The following ADAM17 variants were observed in gnomAD, a reference collection of about 807,000 sequenced individuals.
ADAM17 encodes disintegrin and metalloproteinase domain-containing protein 17.
In ADAM17, 39 loss-of-function variants were observed where a neutral mutation model predicts 96.7. The ratio of observed to expected loss-of-function variants is 0.40; its 90% CI spans 0.31 to 0.53. The LOEUF (loss-of-function observed/expected upper bound fraction) is 0.53. Ranked by LOEUF, ADAM17 falls within the 20% of genes least tolerant of loss-of-function variation. The pLI, the probability that ADAM17 is intolerant of heterozygous loss-of-function variation, is 0.44. For synonymous variants in ADAM17, 344 were observed against 359.2 expected (o/e 0.96, Z 0.48); for missense variants, 777 against 1,013.2 (o/e 0.77, Z 3.17).
chr2:9,517,871 C>T (rs1664133971), intron 10 of ADAM17, 30 bp downstream of exon 10: 3 of 1,469,420 alleles, frequency 2.0e-6, no homozygotes, highest in Non-Finnish European at 2.8e-6. Context: ...TAAACTCTAA[C>T]ACTATTCTTT....
chr2:9,512,194 T>G (rs2125010925), intron 10 of ADAM17: 1 of 152,226 alleles, frequency 6.6e-6, no homozygotes, highest in East Asian at 1.9e-4. Context: ...CCCAAAGGTG[T>G]AATGAAGAGA....
chr2:9,501,251 TA>T (rs536264722), intron 13 of ADAM17, among the ~76,000 whole-genome samples: 5 of 148,904 alleles, frequency 3.4e-5, no homozygotes, highest in Admixed American at 2.0e-4. Context: ...CAAGGGCTGT[TA>T]AAAAAAAAAG....
intron 1 of ADAM17, among the ~76,000 whole-genome samples, chr2:9,554,999 C>G (rs529366749): frequency 1.3e-5 from 2 of 152,226 alleles, no homozygotes; most frequent in African/African-American, 4.8e-5. Flanking sequence ...TCTTAAGACT[C>G]CAACTCCAGT....
intron 10 of ADAM17, among the ~76,000 whole-genome samples, chr2:9,514,591 A>C (rs1663958059): frequency 7.2e-6 from 1 of 138,920 alleles, no homozygotes; most frequent in Non-Finnish European, 1.5e-5. Context: ...ACAGGGTCTC[A>C]GGCCAGGCAC....
At chr2:9,520,479 A>C (rs1664260132) in intron 8 of ADAM17, among the ~76,000 whole-genome samples, 1 of 152,230 alleles carries the variant, frequency 6.6e-6, no homozygotes, top group African/African-American at 2.4e-5. Context: ...TCTACTCTCC[A>C]ATACATGTTC....
intron 11 of ADAM17, among the ~76,000 whole-genome samples, chr2:9,507,498 C>A (rs535118307): frequency 4.9e-4 from 75 of 152,090 alleles, no homozygotes; most frequent in African/African-American, 1.8e-3. Context: ...TGAGACTCCA[C>A]TCAAAAAATC....
chr2:9,498,194 T>TA (rs1467109753), intron 13 of ADAM17, among the ~76,000 whole-genome samples: 1 of 150,296 alleles, frequency 6.7e-6, no homozygotes, highest in East Asian at 1.9e-4. Flanking sequence ...CATACCTGGC[T>TA]AATTTTCTTT....
At chr2:9,491,049 A>T in intron 18 of ADAM17, 52 bp downstream of exon 18, 1 of 1,533,942 alleles carries the variant, frequency 6.5e-7, no homozygotes, top group South Asian at 1.2e-5. Context: ...TCTTTGCCTA[A>T]CAGGGCCTCA....
chr2:9,535,888 T>C lies in ADAM17; in HGVS notation c.396A>G (p.Arg132=), dbSNP rs774890561. ...EPDSRVLAHI[R]DDDVIIRINT... is the part of the protein sequence containing the mutation. Reference sequence around the variant, plus strand: ...TGATTCTGATTATAACATCATCATCTCTTATGTGGGCTAGAACCCTAGAGT... The same window carrying C: ...TGATTCTGATTATAACATCATCATCCCTTATGTGGGCTAGAACCCTAGAGT... Residue 132 remains arginine, a synonymous_variant, in exon 4 of 19, where the codon AGA becomes AGG. Coordinates refer to ENST00000310823, the MANE Select transcript of ADAM17 (RefSeq NM_003183.6). 1 of 1,605,978 alleles carries C rather than the reference T, an allele frequency of 6.2e-7. No individual in the cohort carries two copies. The highest frequency in any genetic ancestry group is 1.1e-5 in the South Asian group (1 of 89,534).
chr2:9,550,224 T>C (rs1665541535), intron 1 of ADAM17, among the ~76,000 whole-genome samples: 1 of 152,086 alleles, frequency 6.6e-6, no homozygotes. Flanking sequence ...TAAACAATTT[T>C]ATGGATTTAT....
intron 10 of ADAM17, among the ~76,000 whole-genome samples, chr2:9,515,470 C>T (rs541925470): frequency 5.3e-5 from 8 of 152,118 alleles, no homozygotes; most frequent in Non-Finnish European, 1.2e-4. Context: ...GGCGTAGTGG[C>T]TCACACCCGT....
chr2:9,515,746 A>G (rs1219173691), intron 10 of ADAM17, among the ~76,000 whole-genome samples: 4 of 150,588 alleles, frequency 2.7e-5, no homozygotes, highest in African/African-American at 7.4e-5. Flanking sequence ...AAAAAAAAAA[A>G]AAAAAGAAAA....
chr2:9,510,295 G>C (rs970723023), intron 10 of ADAM17, among the ~76,000 whole-genome samples, 164 bp from the exon 11 acceptor site: 5 of 152,158 alleles, frequency 3.3e-5, no homozygotes, highest in Non-Finnish European at 7.4e-5. Context: ...GAGATGGGAG[G>C]ATTACTTTAC....
intron 17 of ADAM17, among the ~76,000 whole-genome samples, chr2:9,491,592 C>G (rs1186557061): frequency 1.9e-5 from 2 of 105,490 alleles, no homozygotes; most frequent in Admixed American, 1.7e-4. Context: ...CATGGCCTCA[C>G]TCTCTTAGCT....
intron 10 of ADAM17, among the ~76,000 whole-genome samples, chr2:9,514,518 A>AATATATATAT (rs70948826): frequency 2.5e-3 from 226 of 89,722 alleles, no homozygotes; most frequent in East Asian, 5.3e-3. Flanking sequence ...TTAAAATATA[A>AATATATATAT]ATATATATAT....
Position 9,523,154 on chromosome 2 carries a change from T to A in ADAM17, c.843+95A>T, listed in dbSNP as rs945902073. On this transcript the variant is annotated intron_variant, in intron 7 of 18. Coordinates refer to ENST00000310823, the MANE Select transcript of ADAM17 (RefSeq NM_003183.6). ...GCATCTGAGAAAACTTATTTACAAT[T>A]ATTGTTAAGGACAAGTTTTTAGGTT... 4.5e-5 allele frequency: 40 copies of A among 882,798 alleles called. No homozygotes were observed. In the East Asian group the frequency reaches 1.0e-3, roughly 23 times the overall value. The allele number at this position is 882,798 out of a possible 1,614,324, so 54.7% of individuals were successfully genotyped here. A position where few individuals can be genotyped will look rare whatever the true frequency, so the allele number is the denominator to read the frequency against.
intron 6 of ADAM17, among the ~76,000 whole-genome samples, chr2:9,524,763 T>A (rs898989301): frequency 3.0e-4 from 45 of 152,166 alleles, no homozygotes; most frequent in African/African-American, 1.1e-3. Context: ...TCAGCAACCC[T>A]CCTTCTTTTG....
At position 9,523,338 on chromosome 2, in the gene ADAM17, T is replaced by G. The variant is rs1324299718; in HGVS notation, c.754A>C (p.Ile252Leu). ...TCATCAACTCTGTCAATTAGCTCTATCTGTGTGTATTTAAAAAAGAAAAAA... is the reference window on the plus strand; with the variant it reads ...TCATCAACTCTGTCAATTAGCTCTAGCTGTGTGTATTTAAAAAAGAAAAAA... ...GEESTTTNYL[I>L]ELIDRVDDIY... The change falls in exon 7 of 19, where the codon ATA becomes CTA. Residue 252 changes from isoleucine (I) to leucine (L), a missense_variant and splice_region_variant. Ile to Leu is a conservative substitution (Grantham distance 5). Around this residue, in one of 3 missense-constraint regions of ADAM17, gnomAD observed 446 missense variants for 664.7 expected, o/e 0.67. Transcript: ENST00000310823. The G allele has an allele frequency of 6.2e-7, 1 of 1,607,318 alleles. No homozygotes were observed. The highest frequency in any genetic ancestry group is 1.1e-5 in the South Asian group (1 of 90,688).
chr2:9,526,873 T>C (rs1400665213), intron 5 of ADAM17, among the ~76,000 whole-genome samples: 1 of 152,222 alleles, frequency 6.6e-6, no homozygotes, highest in African/African-American at 2.4e-5. Flanking sequence ...CTGTCAGTCA[T>C]ATTCTACAAC....
Sources: allele counts gnomAD v4.1 joint callset (sites outside exome capture counted in the v4.1 genomes callset), GRCh38; gene constraint gnomAD v4.1.1; regional missense constraint gnomAD v4.1.1; transcripts MANE v1.5; gene names NCBI Gene and HGNC (gene_info 2026-07-23, HGNC 2026-07-21).